Variants in MNAT1 observed in about 807,000 individuals in gnomAD.
The protein encoded by MNAT1 is CDK-activating kinase assembly factor MAT1.
MNAT1 carries 43 observed loss-of-function variants against 42.0 expected under a neutral mutation model. The observed-to-expected ratio is 1.02, with a 90% CI of 0.80 to 1.32. The LOEUF is 1.32. MNAT1 is among the 40% of genes most tolerant of loss of function. The pLI is 0.00. For synonymous variants in MNAT1, 118 were observed against 120.0 expected, an observed-to-expected ratio of 0.98 and a Z score of 0.11; for missense variants, 306 against 350.4, an observed-to-expected ratio of 0.87 and a Z score of 1.01.
chr14:60,823,163 C>T (rs977504587), intron 6 of MNAT1, among the ~76,000 whole-genome samples: 1 of 152,186 alleles, frequency 6.6e-6, no homozygotes, highest in Non-Finnish European at 1.5e-5. Context: ...GGGTCTTACA[C>T]CCTGGCTTTA....
chr14:60,795,606 C>G (rs1443021847), intron 1 of MNAT1, among the ~76,000 whole-genome samples: 1 of 152,144 alleles, frequency 6.6e-6, no homozygotes, highest in South Asian at 2.1e-4. Context: ...AGCAGCCACT[C>G]TTTCTGGGAT....
rs141542180 is a variant in MNAT1, at chr14:60,962,205, A to T, written c.810-6024A>T. 2.0e-5 allele frequency among the ~76,000 whole-genome samples: 3 copies of T among 152,358 alleles called. No homozygotes were observed. The East Asian group carries it at 5.8e-4, about 29-fold the overall frequency. On this transcript the variant is annotated intron_variant, in intron 7 of 7. Coordinates refer to ENST00000261245, the MANE Select transcript of MNAT1 (RefSeq NM_002431.4). ...CCATTTTTCTGTGTAATGTCATCTA[A>T]GCATATAATGGCAATACTGAAATTA... is the stretch of plus-strand genomic sequence containing the variant.
At chr14:60,880,891 G>T (rs773121697) in intron 7 of MNAT1, among the ~76,000 whole-genome samples, 2 of 152,054 alleles carry the variant, frequency 1.3e-5, no homozygotes, top group Non-Finnish European at 2.9e-5. Flanking sequence ...TTAAACAATT[G>T]TCTTAAATGC....
At chr14:60,818,311 C>T (rs1364194823) in intron 5 of MNAT1, among the ~76,000 whole-genome samples, 4 of 151,926 alleles carry the variant, frequency 2.6e-5, no homozygotes, top group African/African-American at 9.7e-5. Flanking sequence ...CATTTCCAAA[C>T]GGTCTCAGGT....
At chr14:60,810,901 T>A (rs189405968) in intron 4 of MNAT1, among the ~76,000 whole-genome samples, 35 of 152,328 alleles carry the variant, frequency 2.3e-4, no homozygotes, top group African/African-American at 7.7e-4. Flanking sequence ...TGTTTAAGAC[T>A]CCTATTTCCT....
chr14:60,872,513 A>G (rs1435077953), intron 6 of MNAT1, among the ~76,000 whole-genome samples: 1 of 151,846 alleles, frequency 6.6e-6, no homozygotes, highest in Non-Finnish European at 1.5e-5. Context: ...TTTTAATTAT[A>G]ATTATTATTC....
chr14:60,933,700 G>A (rs557946926), intron 7 of MNAT1, among the ~76,000 whole-genome samples: 1 of 152,256 alleles, frequency 6.6e-6, no homozygotes, highest in South Asian at 2.1e-4. Context: ...TTGACAGTCT[G>A]AAGTCCTACC....
chr14:60,880,959 C>T (rs1032307237), intron 7 of MNAT1, among the ~76,000 whole-genome samples: 1 of 152,140 alleles, frequency 6.6e-6, no homozygotes, highest in Admixed American at 6.5e-5. Context: ...AAAAGTTATA[C>T]ATGATGTAGA....
At chr14:60,754,596 G>T (rs562386536) in intron 1 of MNAT1, among the ~76,000 whole-genome samples, 2 of 152,040 alleles carry the variant, frequency 1.3e-5, no homozygotes, top group South Asian at 4.2e-4. Flanking sequence ...TGATCTGCCC[G>T]CCTCGGCCTC....
At chr14:60,741,658 G>GTTTTTTTTTT (rs3049888) in intron 1 of MNAT1, among the ~76,000 whole-genome samples, 2 of 92,020 alleles carry the variant, frequency 2.2e-5, no homozygotes, top group Admixed American at 1.6e-4. Context: ...TGCGCCTGGG[G>GTTTTTTTTTT]TTTTTTTTTT....
intron 1 of MNAT1, among the ~76,000 whole-genome samples, chr14:60,753,054 C>T (rs572421388): frequency 6.6e-6 from 1 of 152,198 alleles, no homozygotes. Context: ...CGTGAGCCAC[C>T]GCACCTGGCT....
intron 7 of MNAT1, among the ~76,000 whole-genome samples, chr14:60,957,349 C>T (rs1332623806): frequency 6.6e-6 from 1 of 152,166 alleles, no homozygotes; most frequent in Admixed American, 6.5e-5. Context: ...CTCTCAGTTC[C>T]ACATGGTTGG....
chr14:60,747,651 T>C (rs1432821042), intron 1 of MNAT1, among the ~76,000 whole-genome samples: 1 of 152,204 alleles, frequency 6.6e-6, no homozygotes, highest in East Asian at 1.9e-4. Context: ...TGTTAAGGCC[T>C]AGGATATTAC....
rs2036749489 is a variant in MNAT1, at chr14:60,969,833, T to C, written c.*1484T>C. 1 of 152,196 alleles carries C rather than the reference T, an allele frequency of 6.6e-6. No homozygotes were observed. Among genetic ancestry groups the C allele is most frequent in the East Asian group, 1.9e-4 (1 of 5,198 alleles). 9.4% of individuals were successfully genotyped at this position (152,196 alleles called of 1,614,324 possible). ...CTTGTTCTCATACCTTTTATAAATG[T>C]ATTTTAAAAAGAATGAACTAATTAA... On this transcript the variant is annotated 3_prime_UTR_variant, in exon 8 of 8. Transcript: ENST00000261245.
intron 7 of MNAT1, among the ~76,000 whole-genome samples, chr14:60,942,034 T>TAAAAAAAAAAAAAA (rs2036175057): frequency 1.5e-5 from 1 of 65,512 alleles, no homozygotes. Context: ...AAAAAAAAAG[T>TAAAAAAAAAAAAAA]CAATAAATGA....
chr14:60,835,972 G>T (rs2033379341), intron 6 of MNAT1, among the ~76,000 whole-genome samples: 2 of 151,856 alleles, frequency 1.3e-5, no homozygotes, highest in Admixed American at 6.6e-5. Context: ...TTCACACTTT[G>T]TTTCATTAAA....
At chr14:60,766,285 TATA>T (rs1486214094) in intron 1 of MNAT1, among the ~76,000 whole-genome samples, 1 of 149,930 alleles carries the variant, frequency 6.7e-6, no homozygotes, top group Admixed American at 6.6e-5. Flanking sequence ...AGGCGGAGGT[TATA>T]ATGAGTTGAG....
chr14:60,908,445 A>G lies in MNAT1; in HGVS notation c.809+28610A>G, dbSNP rs143270857. Among the ~76,000 whole-genome samples the G allele has an allele frequency of 5.1e-3, 782 of 152,140 alleles. 14 individuals are homozygous for G. Among genetic ancestry groups the G allele is most frequent in the African/African-American group, 0.018 (734 of 41,492 alleles). On this transcript the variant is annotated intron_variant, in intron 7 of 7. Coordinates refer to ENST00000261245, the MANE Select transcript of MNAT1 (RefSeq NM_002431.4). ...ATTAACTCGTCATTTAACATTAGGT[A>G]TATCTTCTAATGCTATCCCTCCCCC...
chr14:60,956,613 A>G (rs775983455), intron 7 of MNAT1, among the ~76,000 whole-genome samples: 3 of 152,308 alleles, frequency 2.0e-5, no homozygotes, highest in East Asian at 3.9e-4. Flanking sequence ...ATTCCCAACT[A>G]TTATTGTATT....
Sources: allele counts gnomAD v4.1 joint callset (sites outside exome capture counted in the v4.1 genomes callset), GRCh38; gene constraint gnomAD v4.1.1; transcripts MANE v1.5; gene names NCBI Gene and HGNC (gene_info 2026-07-23, HGNC 2026-07-21).